The following LSS variants were observed in gnomAD, a reference collection of about 807,000 sequenced individuals.
The protein encoded by LSS is lanosterol synthase.
A neutral mutation model predicts 110.3 loss-of-function variants in LSS; 90 were observed. The observed-to-expected ratio is 0.82, with a 90% CI of 0.69 to 0.97. The LOEUF (loss-of-function observed/expected upper bound fraction) is 0.97, where lower values mean the gene tolerates loss of function less well. Ranked by LOEUF, LSS falls within the 50% of genes least tolerant of loss-of-function variation. The pLI, the probability that LSS is intolerant of heterozygous loss-of-function variation, is 0.00. For missense variants in LSS, 927 were observed against 990.0 expected (o/e 0.94, Z 0.85); for synonymous variants, 433 against 400.0 (o/e 1.08, Z -0.98).
rs937576170 is a variant in LSS, at chr21:46,216,975, G to A, written c.648-451C>T. 2.0e-5 allele frequency among the ~76,000 whole-genome samples: 3 copies of A among 152,116 alleles called. No homozygotes were observed. The highest frequency in any genetic ancestry group is 4.8e-5 in the African/African-American group (2 of 41,440). On this transcript the variant is annotated intron_variant, in intron 6 of 21. Transcript: ENST00000397728. The surrounding 1 kb of genome is among the most constrained non-coding windows in gnomAD (Gnocchi z 4.2). Reference sequence around the variant, plus strand: ...ATTTAAGAAACTTTAGGAGGGGCACGGTGGCTCACGCCTGTAACCCTAGCA... The same window carrying A: ...ATTTAAGAAACTTTAGGAGGGGCACAGTGGCTCACGCCTGTAACCCTAGCA...
At position 46,194,479 on chromosome 21, in the gene LSS, C is replaced by T. The variant is rs368279225; in HGVS notation, c.1988+12G>A. 3.1e-6 allele frequency: 5 copies of T among 1,612,590 alleles called. No homozygotes were observed. Among genetic ancestry groups the T allele is most frequent in the East Asian group, 2.2e-5 (1 of 44,884 alleles). On this transcript the variant is annotated intron_variant, in intron 20 of 21. Transcript: ENST00000397728. Reference sequence around the variant, plus strand: ...CAAACCCAAGGCTCAGGGACGGTCCCGTCGTCCCCACCGAACGGCCATCAG... The same window carrying T: ...CAAACCCAAGGCTCAGGGACGGTCCTGTCGTCCCCACCGAACGGCCATCAG...
intron 9 of LSS, 39 bp from the exon 10 acceptor site, chr21:46,213,874 C>A: frequency 6.9e-7 from 1 of 1,449,156 alleles, no homozygotes; most frequent in Non-Finnish European, 9.6e-7. Flanking sequence ...CCGCTCCAGA[C>A]CCACAGCAGC....
chr21:46,206,134 G>A (rs1423075687), intron 16 of LSS, among the ~76,000 whole-genome samples, 193 bp from the exon 17 acceptor site: 2 of 152,216 alleles, frequency 1.3e-5, no homozygotes, highest in Non-Finnish European at 2.9e-5. Flanking sequence ...CGAAGATGAG[G>A]GGAACACAGC....
At chr21:46,196,617 A>G (rs577118229) in intron 17 of LSS, among the ~76,000 whole-genome samples, 1 of 152,334 alleles carries the variant, frequency 6.6e-6, no homozygotes, top group Non-Finnish European at 1.5e-5. Context: ...AATCAATTAG[A>G]GAGAAAACAA....
At chr21:46,200,538 A>G (rs767025699) in intron 17 of LSS, among the ~76,000 whole-genome samples, 22 of 152,078 alleles carry the variant, frequency 1.4e-4, no homozygotes, top group Non-Finnish European at 2.6e-4. Flanking sequence ...GTAGTTTCAT[A>G]ACCTGAATCT....
intron 5 of LSS, 127 bp downstream of exon 5, chr21:46,221,727 A>G (rs2080281321): frequency 1.4e-6 from 2 of 1,403,802 alleles, no homozygotes; most frequent in Non-Finnish European, 2.0e-6. Context: ...TGCTTTGACA[A>G]ATTCCCTGCT....
chr21:46,200,408 C>A, intron 17 of LSS, among the ~76,000 whole-genome samples: 1 of 152,162 alleles, frequency 6.6e-6, no homozygotes, highest in African/African-American at 2.4e-5. Flanking sequence ...AAAGCAACTT[C>A]ATAGCGGAGA....
At chr21:46,203,837 G>C (rs2080011358) in intron 17 of LSS, among the ~76,000 whole-genome samples, 1 of 152,204 alleles carries the variant, frequency 6.6e-6, no homozygotes, top group African/African-American at 2.4e-5. Context: ...AAGAACAGTA[G>C]AAACAGAAAA....
rs984084469 is a variant in LSS, at chr21:46,225,705, G to GTC, written c.319+1845_319+1846dup. 2.2e-4 allele frequency among the ~76,000 whole-genome samples: 34 copies of GTC among 151,126 alleles called. 1 individual carries two copies. The highest frequency in any genetic ancestry group is 3.9e-4 in the East Asian group (2 of 5,148). On this transcript the variant is annotated intron_variant, in intron 3 of 21. Transcript: ENST00000397728. ...ATATGCAGAAATAATGGCATAAGCT[G>GTC]TCTCTCTCTCTCTCTCTCCCACTCT...
chr21:46,223,551 C>T (rs751602693), intron 3 of LSS, among the ~76,000 whole-genome samples: 3 of 152,206 alleles, frequency 2.0e-5, no homozygotes, highest in East Asian at 1.9e-4. Flanking sequence ...ACCGAGGACA[C>T]GAGCTGTTCC....
At chr21:46,222,208 C>G in intron 4 of LSS, 2 of 569,888 alleles carry the variant, frequency 3.5e-6, no homozygotes, top group Non-Finnish European at 6.3e-6. Context: ...CTGCTCTACA[C>G]CTTCCCACGC....
At chr21:46,205,632 T>C (rs1269153952) in intron 17 of LSS, among the ~76,000 whole-genome samples, 1 of 152,248 alleles carries the variant, frequency 6.6e-6, no homozygotes, top group Non-Finnish European at 1.5e-5. Flanking sequence ...TTTTGTATCA[T>C]AACTGTGCTA....
intron 16 of LSS, 107 bp from the exon 17 acceptor site, chr21:46,206,048 C>G: frequency 1.2e-6 from 1 of 801,952 alleles, no homozygotes; most frequent in Non-Finnish European, 2.0e-6. Flanking sequence ...GAGCCCGGGC[C>G]CGGACGCTGC....
Position 46,215,709 on chromosome 21 carries a change from T to A in LSS, c.868A>T (p.Ser290Cys). 1 of 1,612,150 alleles carries A rather than the reference T, an allele frequency of 6.2e-7. No individual in the cohort carries two copies. Among genetic ancestry groups the A allele is most frequent in the Non-Finnish European group, 8.5e-7 (1 of 1,179,080 alleles). Residue 290 changes from serine to cysteine, a missense_variant, in exon 8 of 22, where the codon AGC becomes TGC. Coordinates refer to ENST00000397728, the MANE Select transcript of LSS (RefSeq NM_002340.6). ...CCATATACCACGCGGAGCAGCCAGC[T>A]GTGCGGCGTGTACAGCTCGTCGGGG... ...VAPDELYTPH[S>C]WLLRVVYALL...
Position 46,196,260 on chromosome 21 carries a change from G to C in LSS, c.1678C>G (p.Leu560Val). The change falls in exon 18 of 22, where the codon CTC (leucine) becomes GTC (valine). Residue 560 changes from leucine to valine, a missense_variant. Leu to Val is a conservative substitution (Grantham distance 32). Transcript: ENST00000397728. Reference protein sequence around the residue: ...EHRAAEIRETLTQGLEFCRRQ... With the variant: ...EHRAAEIRETVTQGLEFCRRQ... ...CGACAGAACTCTAAGCCCTGCGTGA[G>C]GGTCTCCCTGGAACACGAGATTGGT... 1 of 1,614,108 alleles carries C rather than the reference G, an allele frequency of 6.2e-7. No homozygotes were observed. Among genetic ancestry groups the C allele is most frequent in the Non-Finnish European group, 8.5e-7 (1 of 1,180,002 alleles).
At chr21:46,226,698 G>A (rs1569038902) in intron 3 of LSS, among the ~76,000 whole-genome samples, 1 of 152,192 alleles carries the variant, frequency 6.6e-6, no homozygotes, top group South Asian at 2.1e-4. Flanking sequence ...AACGTTAAAG[G>A]CCAACTCTTC....
chr21:46,222,125 G>C, intron 4 of LSS, 150 bp from the exon 5 acceptor site: 1 of 773,394 alleles, frequency 1.3e-6, no homozygotes, highest in South Asian at 1.8e-5. Flanking sequence ...CCCCTGAGCA[G>C]CCACTCTGCA....
chr21:46,221,704 GTCTGCCTACT>G (rs1172411129), intron 5 of LSS, 140 bp downstream of exon 5: 19 of 1,156,646 alleles, frequency 1.6e-5, no homozygotes, highest in Non-Finnish European at 2.3e-5. Context: ...GTTAAACAGT[GTCTGCCTACT>G]TCTGCTTTGA....
At chr21:46,193,176 T>C (rs777230824) in intron 20 of LSS, 1 of 452,634 alleles carries the variant, frequency 2.2e-6, no homozygotes, top group South Asian at 1.6e-5. Flanking sequence ...TTCATGTACC[T>C]ATGTCTGTGT....
Sources: allele counts gnomAD v4.1 joint callset (sites outside exome capture counted in the v4.1 genomes callset), GRCh38; gene constraint gnomAD v4.1.1; non-coding constraint Gnocchi (gnomAD v3.1); transcripts MANE v1.5; gene names NCBI Gene and HGNC (gene_info 2026-07-23, HGNC 2026-07-21).